PCDHGA5: variants seen among roughly 807,000 people sequenced by gnomAD.
PCDHGA5 encodes protocadherin gamma subfamily A, 5.
PCDHGA5 carries 36 observed loss-of-function variants against 56.7 expected under a neutral mutation model. The observed-to-expected ratio is 0.64, with a 90% CI of 0.49 to 0.84. The LOEUF (loss-of-function observed/expected upper bound fraction) is 0.84. PCDHGA5 is among the 40% of genes least tolerant of loss of function. The pLI is 0.00. For missense variants in PCDHGA5, 1,305 were observed against 1,201.5 expected (o/e 1.09, Z -1.27); for synonymous variants, 563 against 520.2 (o/e 1.08, Z -1.12).
intron 1 of PCDHGA5, chr5:141,377,280 A>G (rs1773849718): frequency 6.6e-6 from 1 of 151,152 alleles, no homozygotes; most frequent in Non-Finnish European, 1.5e-5. Context: ...GGGAAAAAAA[A>G]TAACCTTAAT....
chr5:141,510,451 G>A (rs1330148267), intron 3 of PCDHGA5, among the ~76,000 whole-genome samples: 2 of 152,096 alleles, frequency 1.3e-5, no homozygotes, highest in East Asian at 1.9e-4. Context: ...AGGAGCCCAT[G>A]GTCTAGTGTG....
rs556099456 is a variant in PCDHGA5, at chr5:141,430,033, C to A, written c.2421+63282C>A. ...ACTTGGGTTCTTGTTAAGTGTGATT[C>A]TGATAATGTATACAATCACATATCA... On this transcript the variant is annotated intron_variant, in intron 1 of 3. Coordinates refer to ENST00000518069, the MANE Select transcript of PCDHGA5 (RefSeq NM_018918.3). 1.2e-4 allele frequency among the ~76,000 whole-genome samples: 18 copies of A among 152,184 alleles called. 1 individual carries two copies. In the South Asian group the frequency reaches 3.3e-3, roughly 28 times the overall value.
Position 141,511,380 on chromosome 5 carries a change from C to G in PCDHGA5, c.*207C>G. The G allele has an allele frequency of 7.7e-6, 9 of 1,170,490 alleles. No individual in the cohort carries two copies. The highest frequency in any genetic ancestry group is 1.1e-5 in the Non-Finnish European group (9 of 854,564). 72.5% of individuals were successfully genotyped at this position (1,170,490 alleles called of 1,614,324 possible). A position where few individuals can be genotyped will look rare whatever the true frequency, so the allele number is the denominator to read the frequency against. On this transcript the variant is annotated 3_prime_UTR_variant, in exon 4 of 4. Transcript: ENST00000518069. ...GGGGTTGAATATGCAAAAGCAGTTC[C>G]GCTGGGAACCCCCATCCAATCAACT...
intron 1 of PCDHGA5, chr5:141,375,175 A>C (rs1771211157): frequency 6.2e-7 from 1 of 1,614,024 alleles, no homozygotes; most frequent in Non-Finnish European, 8.5e-7. Flanking sequence ...CTCCAGGAAC[A>C]GTAATCGCCC....
chr5:141,392,914 C>G (rs2092626800), intron 1 of PCDHGA5: 1 of 1,613,786 alleles, frequency 6.2e-7, no homozygotes. Context: ...ATTCGCTACT[C>G]TGTGCCAGAA....
Position 141,366,444 on chromosome 5 carries a change from T to C in PCDHGA5, c.2114T>C (p.Leu705Pro), listed in dbSNP as rs1255938272. Residue 705 changes from leucine to proline, a missense_variant, in exon 1 of 4, where the codon CTG becomes CCG. Transcript: ENST00000518069. ...GTGGCTGCAGTCTCCTGCGTCTTCC[T>C]GGCCTTCGTCATCGTGCTGCTGGTG... ...VAVAAVSCVF[L>P]AFVIVLLVLR... The C allele has an allele frequency of 1.2e-6, 2 of 1,614,214 alleles. No homozygotes were observed. The highest frequency in any genetic ancestry group is 1.7e-6 in the Non-Finnish European group (2 of 1,180,050).
chr5:141,414,334 A>G, intron 1 of PCDHGA5: 6 of 1,613,782 alleles, frequency 3.7e-6, no homozygotes, highest in Non-Finnish European at 5.1e-6. Flanking sequence ...TGGACAGGTA[A>G]CCTGTTCCAT....
At chr5:141,498,947 AAAAG>A (rs1475471777) in intron 2 of PCDHGA5, among the ~76,000 whole-genome samples, 1 of 145,446 alleles carries the variant, frequency 6.9e-6, no homozygotes, top group African/African-American at 2.6e-5. Context: ...GAAAGAAAGA[AAAAG>A]AGAGAGAGGG....
At chr5:141,385,539 T>C in intron 1 of PCDHGA5, 1 of 1,340,130 alleles carries the variant, frequency 7.5e-7, no homozygotes, top group East Asian at 2.8e-5. Flanking sequence ...TATGAATATG[T>C]GGACTATCAC....
At chr5:141,381,178 G>A (rs1267503052) in intron 1 of PCDHGA5, among the ~76,000 whole-genome samples, 1 of 152,222 alleles carries the variant, frequency 6.6e-6, no homozygotes, top group African/African-American at 2.4e-5. Flanking sequence ...CCCACAAAAC[G>A]AAGTTAAGCT....
At chr5:141,369,790 A>G (rs1005074497) in intron 1 of PCDHGA5, among the ~76,000 whole-genome samples, 2 of 152,248 alleles carry the variant, frequency 1.3e-5, no homozygotes, top group African/African-American at 4.8e-5. Flanking sequence ...TCTTTATACT[A>G]CGTCTTCTGC....
At chr5:141,383,257 G>C in intron 1 of PCDHGA5, 1 of 1,613,922 alleles carries the variant, frequency 6.2e-7, no homozygotes, top group Non-Finnish European at 8.5e-7. Flanking sequence ...TTACCCTATA[G>C]ACGTGGAAAT....
In PCDHGA5 at chr5:141,366,476, C is replaced by T. The variant is rs760870646; in HGVS notation, c.2146C>T (p.Leu716=). 41 of 1,614,144 alleles carry T rather than the reference C, an allele frequency of 2.5e-5. No homozygotes were observed. The highest frequency in any genetic ancestry group is 3.1e-5 in the Non-Finnish European group (37 of 1,180,068). The change falls in exon 1 of 4, where the codon CTG becomes TTG. Residue 716 remains leucine (L), a synonymous_variant. Coordinates refer to ENST00000518069, the MANE Select transcript of PCDHGA5 (RefSeq NM_018918.3). The part of the protein sequence containing the change: ...AFVIVLLVLR[L]RRWHKSRLLQ... ...CGTCATCGTGCTGCTGGTGCTCAGA[C>T]TGAGGCGCTGGCACAAGTCACGCCT...
chr5:141,504,583 A>G (rs1230825472), intron 2 of PCDHGA5, among the ~76,000 whole-genome samples: 1 of 146,622 alleles, frequency 6.8e-6, no homozygotes, highest in African/African-American at 2.5e-5. Flanking sequence ...CCATCTGCCC[A>G]GGATTCACAG....
chr5:141,428,430 GA>G, intron 1 of PCDHGA5: 1 of 421,748 alleles, frequency 2.4e-6, no homozygotes. Flanking sequence ...TCTGTTCTAA[GA>G]CTAGACCAGG....
Position 141,404,599 on chromosome 5 carries a change from A to G in PCDHGA5, c.2421+37848A>G. 2.5e-6 allele frequency: 4 copies of G among 1,613,988 alleles called. 1 individual carries two copies. In the East Asian group the frequency reaches 8.9e-5, roughly 36 times the overall value. ...CACTTAGCAGCAATGTGTCATTGAG[A>G]CTGTTTGTTTTGGACCAGAATGACA... is the stretch of plus-strand genomic sequence containing the variant. On this transcript the variant is annotated intron_variant, in intron 1 of 3. Coordinates refer to ENST00000518069, the MANE Select transcript of PCDHGA5 (RefSeq NM_018918.3).
At chr5:141,421,120 G>T (rs747126094) in intron 1 of PCDHGA5, 4 of 779,870 alleles carry the variant, frequency 5.1e-6, no homozygotes, top group Non-Finnish European at 7.9e-6. Flanking sequence ...ATTTTCCTTC[G>T]CTTTCTGATA....
chr5:141,430,987 C>T (rs1171599563), intron 1 of PCDHGA5: 2 of 1,613,690 alleles, frequency 1.2e-6, no homozygotes, highest in African/African-American at 2.7e-5. Context: ...AGCTTTTCGC[C>T]CTGAATCCGC....
intron 1 of PCDHGA5, chr5:141,391,580 C>A (rs1392857666): frequency 3.3e-5 from 5 of 152,116 alleles, no homozygotes; most frequent in South Asian, 2.1e-4. Flanking sequence ...AATATATTCA[C>A]AGGAAAATAT....
Sources: allele counts gnomAD v4.1 joint callset (sites outside exome capture counted in the v4.1 genomes callset), GRCh38; gene constraint gnomAD v4.1.1; transcripts MANE v1.5; gene names NCBI Gene and HGNC (gene_info 2026-07-23, HGNC 2026-07-21).